The following ANKAR variants were observed in gnomAD, a reference collection of about 807,000 sequenced individuals.
ANKAR encodes the protein ankyrin and armadillo repeat-containing protein.
A neutral mutation model predicts 146.2 loss-of-function variants in ANKAR; 136 were observed. The observed-to-expected ratio is 0.93, with a 90% CI of 0.81 to 1.07. The LOEUF is 1.07. ANKAR is among the 50% of genes least tolerant of loss of function. The pLI, the probability that ANKAR is intolerant of heterozygous loss-of-function variation, is 0.00. For synonymous variants in ANKAR, 500 were observed against 575.8 expected (o/e 0.87, Z 1.88); for missense variants, 1,567 against 1,679.9 (o/e 0.93, Z 1.18).
chr2:189,714,525 G>A (rs552095790), intron 10 of ANKAR, among the ~76,000 whole-genome samples: 22 of 152,266 alleles, frequency 1.4e-4, no homozygotes, highest in African/African-American at 4.1e-4. Flanking sequence ...GGTAAATAAC[G>A]AAATGAAGGC....
chr2:189,754,279 C>G lies in ANKAR; in HGVS notation c.*585-6819C>G, dbSNP rs762541104. ...CTATTTCCTTGTTTGGCCAAATGTT[C>G]TATGGCTTTCCCACCACTCATGGTG... On this transcript the variant is annotated intron_variant and NMD_transcript_variant, in intron 18 of 18. Transcript: ENST00000441800. 22 of 1,613,658 alleles carry G rather than the reference C, an allele frequency of 1.4e-5. No individual in the cohort carries two copies. In the African/African-American group the frequency reaches 2.5e-4, roughly 19 times the overall value.
At chr2:189,714,612 C>G (rs2040164562) in intron 10 of ANKAR, among the ~76,000 whole-genome samples, 1 of 152,034 alleles carries the variant, frequency 6.6e-6, no homozygotes, top group Non-Finnish European at 1.5e-5. Context: ...ATTTAAAGCA[C>G]TGCGTAGAGG....
chr2:189,750,046 C>T (rs920328269), downstream of ANKAR, among the ~76,000 whole-genome samples: 1 of 152,066 alleles, frequency 6.6e-6, no homozygotes, highest in East Asian at 1.9e-4. Flanking sequence ...TCGCTTGAAC[C>T]CAGAAGGTAG....
chr2:189,729,145 G>A (rs1445778887), intron 15 of ANKAR, among the ~76,000 whole-genome samples: 3 of 152,148 alleles, frequency 2.0e-5, no homozygotes, highest in African/African-American at 7.2e-5. Flanking sequence ...TCTCAAGAAC[G>A]ATATGTTTTT....
intron 7 of ANKAR, among the ~76,000 whole-genome samples, chr2:189,703,672 G>T (rs2038413078): frequency 6.6e-6 from 1 of 152,128 alleles, no homozygotes; most frequent in Admixed American, 6.6e-5. Context: ...AGAGAAAAAG[G>T]CCCAAGATTG....
At position 189,721,526 on chromosome 2, in the gene ANKAR, A is replaced by T. The variant is rs1574619998; in HGVS notation, c.2635+739A>T. Among the ~76,000 whole-genome samples the T allele has an allele frequency of 2.6e-5, 4 of 152,300 alleles. No homozygotes were observed. In the South Asian group the frequency reaches 6.2e-4, roughly 24 times the overall value. ...TGACAACAAGGGCTTCAGATTTGTT[A>T]GATATTTGACGTCAAAATTCAAGGT... On this transcript the variant is annotated intron_variant, in intron 12 of 22. Coordinates refer to ENST00000684021, the MANE Select transcript of ANKAR (RefSeq NM_001378068.1).
Position 189,724,681 on chromosome 2 carries a change from G to T in ANKAR, c.2636-3175G>T, listed in dbSNP as rs368346265. ...TTTGACATAAATTGATATAAAGTGGGTATAGAAGTTGGTATGAACAATAAG... is the reference window on the plus strand; with the variant it reads ...TTTGACATAAATTGATATAAAGTGGTTATAGAAGTTGGTATGAACAATAAG... On this transcript the variant is annotated intron_variant, in intron 12 of 22. Coordinates refer to ENST00000684021, the MANE Select transcript of ANKAR (RefSeq NM_001378068.1). Among the ~76,000 whole-genome samples the T allele has an allele frequency of 1.1e-4, 16 of 152,194 alleles. No individual in the cohort carries two copies. The East Asian group carries it at 1.5e-3, about 15-fold the overall frequency.
chr2:189,756,585 T>C (rs2046122102), intron 18 of ANKAR, among the ~76,000 whole-genome samples: 1 of 152,216 alleles, frequency 6.6e-6, no homozygotes, highest in South Asian at 2.1e-4. Flanking sequence ...CACATTGTAA[T>C]ATAATTTTCC....
At chr2:189,742,905 GACACACACACACACACAC>G (rs397987025) in intron 20 of ANKAR, among the ~76,000 whole-genome samples, 2,398 of 33,474 alleles carry the variant, frequency 0.072, 78 homozygotes, top group South Asian at 0.093. Context: ...AGAATTACCT[GACACACACACACACACAC>G]ACACACACAC....
chr2:189,746,236 C>A, intron 22 of ANKAR, 144 bp from the exon 23 acceptor site: 1 of 998,820 alleles, frequency 1.0e-6, no homozygotes, highest in Non-Finnish European at 1.4e-6. Flanking sequence ...TTTTTGGCCC[C>A]TGACATCTAA....
chr2:189,690,029 A>G (rs2036157164), intron 3 of ANKAR, 65 bp downstream of exon 3: 1 of 1,239,640 alleles, frequency 8.1e-7, no homozygotes, highest in Non-Finnish European at 1.1e-6. Context: ...TTTAAATGCA[A>G]TTTTGTTTCT....
Position 189,689,625 on chromosome 2 carries a change from G to A in ANKAR, c.700G>A (p.Ala234Thr). 6.2e-7 allele frequency: 1 copy of A among 1,613,664 alleles called. No individual in the cohort carries two copies. The part of the protein sequence containing the change: ...TYDPNSPEET[A>T]VFMKYAENIM... ...TGATCCCAACAGCCCTGAAGAAACA[G>A]CTGTATTTATGAAATATGCTGAAAA... is the stretch of plus-strand genomic sequence containing the variant. The change falls in exon 3 of 23, where the codon GCT (alanine) becomes ACT (threonine). Residue 234 changes from alanine to threonine, a missense_variant. By Grantham distance (58) the Ala-to-Thr change is moderately conservative. Transcript: ENST00000684021.
At chr2:189,694,928 A>T in intron 5 of ANKAR, 53 bp from the exon 6 acceptor site, 1 of 1,186,752 alleles carries the variant, frequency 8.4e-7, no homozygotes. Flanking sequence ...AAAGAGAAGT[A>T]GCAAATCACT....
At chr2:189,711,959 GCAGGTCC>G (rs1221801092) in intron 10 of ANKAR, among the ~76,000 whole-genome samples, 1 of 152,218 alleles carries the variant, frequency 6.6e-6, no homozygotes, top group Non-Finnish European at 1.5e-5. Flanking sequence ...GCCTGGCTCG[GCAGGTCC>G]CACACTGATG....
Position 189,693,083 on chromosome 2 carries a change from G to GA in ANKAR, c.1219dup (p.Ile407AsnfsTer7), listed in dbSNP as rs752452891. On this transcript the variant is annotated frameshift_variant, in exon 5 of 23. Coordinates refer to ENST00000684021, the MANE Select transcript of ANKAR (RefSeq NM_001378068.1). LOFTEE classifies it high-confidence loss of function. The stretch of plus-strand genomic sequence containing the variant: ...ATAACTCATATTTTAGAAAAATTTA[G>GA]AAAAAATACGAGATTGTGCTGCTAA... 1 of 1,503,706 alleles carries GA rather than the reference G, an allele frequency of 6.7e-7. No homozygotes were observed. The highest frequency in any genetic ancestry group is 2.3e-5 in the East Asian group (1 of 43,402). 93.1% of individuals were successfully genotyped at this position (1,503,706 alleles called of 1,614,324 possible). A position where few individuals can be genotyped will look rare whatever the true frequency, so the allele number is the denominator to read the frequency against.
At chr2:189,756,630 C>T (rs1217688302) in intron 18 of ANKAR, among the ~76,000 whole-genome samples, 2 of 152,006 alleles carry the variant, frequency 1.3e-5, no homozygotes, top group African/African-American at 2.4e-5. Context: ...TCTTATATTC[C>T]TCATCTTTGT....
intron 21 of ANKAR, 53 bp from the exon 22 acceptor site, chr2:189,744,689 C>G: frequency 3.8e-6 from 5 of 1,304,704 alleles, no homozygotes; most frequent in Non-Finnish European, 5.5e-6. Context: ...TATATTTTTT[C>G]TGGGTGCATT....
At chr2:189,704,119 T>C (rs561035676) in intron 7 of ANKAR, among the ~76,000 whole-genome samples, 19 of 146,726 alleles carry the variant, frequency 1.3e-4, no homozygotes, top group Non-Finnish European at 2.5e-4. Flanking sequence ...AATTATACAG[T>C]TTTACCCAGT....
intron 9 of ANKAR, among the ~76,000 whole-genome samples, chr2:189,708,420 G>A (rs2039254110): frequency 6.6e-6 from 1 of 152,156 alleles, no homozygotes; most frequent in South Asian, 2.1e-4. Context: ...TAAGGTTTTT[G>A]ATTTTACAAT....
Sources: allele counts gnomAD v4.1 joint callset (sites outside exome capture counted in the v4.1 genomes callset), GRCh38; gene constraint gnomAD v4.1.1; transcripts MANE v1.5; gene names NCBI Gene and HGNC (gene_info 2026-07-23, HGNC 2026-07-21).